MAP3K3: variants seen among roughly 807,000 people sequenced by gnomAD.
The protein encoded by MAP3K3 is MAP/ERK kinase kinase 3.
A neutral mutation model predicts 80.9 loss-of-function variants in MAP3K3; 12 were observed. The ratio of observed to expected loss-of-function variants is 0.15; its 90% CI spans 0.10 to 0.24. The LOEUF (loss-of-function observed/expected upper bound fraction) is 0.24. MAP3K3 is among the 10% of genes least tolerant of loss of function. The pLI is 1.00. For missense variants in MAP3K3, 596 were observed against 834.7 expected, an observed-to-expected ratio of 0.71 and a Z score of 3.52; for synonymous variants, 272 against 307.1, an observed-to-expected ratio of 0.89 and a Z score of 1.19.
chr17:63,646,141 A>T, intron 3 of MAP3K3, 67 bp downstream of exon 3: 1 of 1,399,232 alleles, frequency 7.1e-7, no homozygotes, highest in Non-Finnish European at 1.0e-6. Context: ...CATTGAGTTC[A>T]TGGAAGTCAT....
At position 63,693,557 on chromosome 17, in the gene MAP3K3, G is replaced by C. The variant is rs750420240; in HGVS notation, c.1661G>C (p.Gly554Ala). Residue 554 changes from glycine (G) to alanine (A), a missense_variant, in exon 16 of 16, where the codon GGC becomes GCC. By Grantham distance (60) the Gly-to-Ala change is moderately conservative (BLOSUM62 0). Coordinates refer to ENST00000361733, the MANE Select transcript of MAP3K3 (RefSeq NM_002401.5). The surrounding 1 kb of genome is among the most constrained non-coding windows in gnomAD (Gnocchi z 4.2). ...GGGTTCTCTCTTTCCAGGAGCCTGG[G>C]CTGCACTGTGGTGGAGATGCTGACA... ...YGRKADVWSL[G>A]CTVVEMLTEK... 5 of 1,607,074 alleles carry C rather than the reference G, an allele frequency of 3.1e-6. No homozygotes were observed. Among genetic ancestry groups the C allele is most frequent in the Non-Finnish European group, 4.2e-6 (5 of 1,177,152 alleles).
intron 2 of MAP3K3, among the ~76,000 whole-genome samples, chr17:63,641,194 GAT>G (rs1336288221): frequency 6.6e-6 from 1 of 151,748 alleles, no homozygotes. Context: ...TCACTTTACA[GAT>G]GAGGAAACTA....
Position 63,694,922 on chromosome 17 carries a change from A to C in MAP3K3, c.*1145A>C. ...TTGTAGCTCCTCCCCTGGAGGGGGA[A>C]TGGCAGCAGGGGTTGGGGAAACAGC... On this transcript the variant is annotated 3_prime_UTR_variant, in exon 16 of 16. Coordinates refer to ENST00000361733, the MANE Select transcript of MAP3K3 (RefSeq NM_002401.5). 1 of 153,668 alleles carries C rather than the reference A, an allele frequency of 6.5e-6. No individual in the cohort carries two copies. The highest frequency in any genetic ancestry group is 1.5e-5 in the Non-Finnish European group (1 of 68,922). The allele number at this position is 153,668 out of a possible 1,614,324, so 9.5% of individuals were successfully genotyped here.
In MAP3K3 at chr17:63,692,513, A is replaced by C. The variant is rs1011640987; in HGVS notation, c.1652+94A>C. On this transcript the variant is annotated intron_variant, in intron 15 of 15. Coordinates refer to ENST00000361733, the MANE Select transcript of MAP3K3 (RefSeq NM_002401.5). This position sits in a 1 kb window ranked among gnomAD's most constrained non-coding sequence, Gnocchi z 4.5. ...CCTGGGGACTTTGTGGTGTGGCAGGAGGGAGTGTGCCCAGGGCCCAGGCTG... is the reference window on the plus strand; with the variant it reads ...CCTGGGGACTTTGTGGTGTGGCAGGCGGGAGTGTGCCCAGGGCCCAGGCTG... 2 of 1,351,278 alleles carry C rather than the reference A, an allele frequency of 1.5e-6. No homozygotes were observed. The highest frequency in any genetic ancestry group is 2.9e-5 in the African/African-American group (2 of 67,968). The allele number at this position is 1,351,278 out of a possible 1,614,324, so 83.7% of individuals were successfully genotyped here. A position where few individuals can be genotyped will look rare whatever the true frequency, so the allele number is the denominator to read the frequency against.
At chr17:63,627,697 C>A (rs1475868162) in intron 1 of MAP3K3, among the ~76,000 whole-genome samples, 2 of 152,210 alleles carry the variant, frequency 1.3e-5, no homozygotes, top group South Asian at 4.1e-4. Flanking sequence ...CCTCCTCGGC[C>A]TCCCAAAGTG....
chr17:63,657,822 A>C lies in MAP3K3; in HGVS notation c.296A>C (p.Asp99Ala), dbSNP rs780588217. 1 of 1,602,380 alleles carries C rather than the reference A, an allele frequency of 6.2e-7. No homozygotes were observed. Among genetic ancestry groups the C allele is most frequent in the Non-Finnish European group, 8.5e-7 (1 of 1,172,058 alleles). The change falls in exon 5 of 16, where the codon GAT becomes GCT. Residue 99 changes from aspartate to alanine, a missense_variant. This residue lies in a region of MAP3K3 where 232 missense variants were observed against 245.8 expected (regional missense o/e 0.94). Coordinates refer to ENST00000361733, the MANE Select transcript of MAP3K3 (RefSeq NM_002401.5). ...ELSILLKNQD[D>A]LDKAIDILDR... ...TCCATCCTGCTGAAAAACCAAGATG[A>C]TCTTGATAAAGCAATTGACATTTTA...
At chr17:63,657,440 G>A (rs535464063) in intron 4 of MAP3K3, among the ~76,000 whole-genome samples, 1 of 152,122 alleles carries the variant, frequency 6.6e-6, no homozygotes, top group East Asian at 1.9e-4. Flanking sequence ...GTCCAGAAAA[G>A]GCAAATCAAT....
At chr17:63,675,931 T>C (rs2035211389) in intron 6 of MAP3K3, among the ~76,000 whole-genome samples, 1 of 152,240 alleles carries the variant, frequency 6.6e-6, no homozygotes, top group Non-Finnish European at 1.5e-5. Flanking sequence ...CAGTATCCTA[T>C]CCTGTTTAGC....
At chr17:63,682,800 T>C (rs2035367554) in intron 7 of MAP3K3, 1 of 152,252 alleles carries the variant, frequency 6.6e-6, no homozygotes, top group Non-Finnish European at 1.5e-5. Flanking sequence ...ATCATAGGAA[T>C]GAATATTCTA....
chr17:63,678,578 G>A (rs1366927635), intron 6 of MAP3K3, among the ~76,000 whole-genome samples: 1 of 152,222 alleles, frequency 6.6e-6, no homozygotes, highest in Admixed American at 6.5e-5. Context: ...TAGCTTTCCT[G>A]CCAGAGAGAC....
In MAP3K3 at chr17:63,667,029, C is replaced by G. The variant is rs756731667; in HGVS notation, c.471C>G (p.Pro157=). The change falls in exon 6 of 16, where the codon CCC becomes CCG. Residue 157 remains proline (P), a synonymous_variant. Coordinates refer to ENST00000361733, the MANE Select transcript of MAP3K3 (RefSeq NM_002401.5). ...GGGATATAAATACTATCTACCAGCC[C>G]CCCGAGCCCAGAAGCAGGCACCTCT... ...SAGDINTIYQ[P]PEPRSRHLSV... is the part of the protein sequence containing the mutation. The G allele has an allele frequency of 7.4e-6, 12 of 1,610,880 alleles. No homozygotes were observed. In the South Asian group the frequency reaches 1.3e-4, roughly 18 times the overall value.
rs61412799 is a variant in MAP3K3 at position 63,650,658 on chromosome 17, T to TAGAGAG, written c.168-1866_168-1861dup. ...AGACCTTCTCTCTCTCTGTCTCTTA[T>TAGAGAG]AGAGAGAGAGAGAGAGAGAGAGAGA... On this transcript the variant is annotated intron_variant, in intron 3 of 15. Transcript: ENST00000361733. Among the ~76,000 whole-genome samples, 483 of 117,240 alleles carry TAGAGAG rather than the reference T, an allele frequency of 4.1e-3. 2 individuals are homozygous for TAGAGAG. The highest frequency in any genetic ancestry group is 0.015 in the Middle Eastern group (3 of 198). 76.9% of individuals were successfully genotyped at this position (117,240 alleles called of 152,430 possible).
intron 5 of MAP3K3, among the ~76,000 whole-genome samples, chr17:63,661,643 C>T (rs978930671): frequency 6.6e-6 from 1 of 152,100 alleles, no homozygotes; most frequent in South Asian, 2.1e-4. Flanking sequence ...CTCATATTCG[C>T]GTTGACAAAA....
At chr17:63,660,541 G>T (rs1490299448) in intron 5 of MAP3K3, among the ~76,000 whole-genome samples, 1 of 150,496 alleles carries the variant, frequency 6.6e-6, no homozygotes, top group Admixed American at 6.6e-5. Flanking sequence ...GTTTTGAATT[G>T]TGCTATCTCT....
In MAP3K3 at chr17:63,653,562, A is replaced by G. The variant is rs549225643; in HGVS notation, c.267+906A>G. On this transcript the variant is annotated intron_variant, in intron 4 of 15. Transcript: ENST00000361733. ...TTTATTCTAAAGCCAAATATAAATCATTGTTATTATTTTAGTTCATACATG... is the reference window on the plus strand; with the variant it reads ...TTTATTCTAAAGCCAAATATAAATCGTTGTTATTATTTTAGTTCATACATG... Among the ~76,000 whole-genome samples, 4 of 152,306 alleles carry G rather than the reference A, an allele frequency of 2.6e-5. No individual in the cohort carries two copies. The South Asian group carries it at 8.3e-4, about 32-fold the overall frequency.
intron 6 of MAP3K3, among the ~76,000 whole-genome samples, chr17:63,674,157 G>C (rs1360317558): frequency 6.6e-6 from 1 of 151,668 alleles, no homozygotes; most frequent in African/African-American, 2.4e-5. Context: ...AAGTGCCTTT[G>C]CCTCAGTTCT....
At chr17:63,688,673 G>A (rs2035514990) in intron 9 of MAP3K3, 79 bp downstream of exon 9, 2 of 1,462,350 alleles carry the variant, frequency 1.4e-6, no homozygotes, top group Admixed American at 3.4e-5. Flanking sequence ...ACTTTTCTGA[G>A]TCAGTAGCTC....
intron 2 of MAP3K3, among the ~76,000 whole-genome samples, chr17:63,633,816 A>G (rs2034265383): frequency 6.6e-6 from 1 of 152,154 alleles, no homozygotes; most frequent in Non-Finnish European, 1.5e-5. Flanking sequence ...AAATTTGTGT[A>G]TGACATTCTC....
chr17:63,655,074 TAAAG>T (rs1321606255), intron 4 of MAP3K3, among the ~76,000 whole-genome samples: 6 of 151,914 alleles, frequency 3.9e-5, no homozygotes, highest in African/African-American at 1.5e-4. Flanking sequence ...AATAAACAAA[TAAAG>T]GAAAGAGGTT....
Sources: gnomAD v4.1 joint callset for allele counts (sites outside exome capture counted in the v4.1 genomes callset) on GRCh38, gnomAD v4.1.1 for gene constraint, gnomAD v4.1.1 regional missense constraint, Gnocchi (gnomAD v3.1) non-coding constraint, MANE v1.5 for transcripts, NCBI Gene and HGNC (gene_info 2026-07-23, HGNC 2026-07-21) for gene names.